The following PPFIA2 variants were observed in gnomAD, a reference collection of about 807,000 sequenced individuals.
PPFIA2 encodes the protein PPFI scaffold protein A2, also known as liprin-alpha-2.
A neutral mutation model predicts 175.5 loss-of-function variants in PPFIA2; 46 were observed. The observed-to-expected ratio is 0.26, with a 90% CI of 0.21 to 0.34. The LOEUF is 0.34. Ranked by LOEUF, PPFIA2 falls within the 10% of genes least tolerant of loss-of-function variation. The probability of loss-of-function intolerance (pLI) is 1.00; values close to 1 mark genes in which losing one functional copy is unlikely to be tolerated. For missense variants in PPFIA2, 1,179 were observed against 1,506.1 expected, an observed-to-expected ratio of 0.78 and a Z score of 3.60; for synonymous variants, 568 against 511.4, an observed-to-expected ratio of 1.11 and a Z score of -1.49.
At chr12:81,649,928 G>A (rs761181646) in intron 4 of PPFIA2, among the ~76,000 whole-genome samples, 8 of 152,098 alleles carry the variant, frequency 5.3e-5, no homozygotes, top group Non-Finnish European at 7.4e-5. Context: ...TTAGGGCCAT[G>A]GGAATGTTCC....
At chr12:81,687,581 C>T (rs2153582977) in intron 3 of PPFIA2, 1 of 152,096 alleles carries the variant, frequency 6.6e-6, no homozygotes, top group South Asian at 2.1e-4. Context: ...AATTTTACTT[C>T]AAGCCTGCAA....
At chr12:81,663,984 A>G (rs2069536925) in intron 4 of PPFIA2, among the ~76,000 whole-genome samples, 1 of 152,228 alleles carries the variant, frequency 6.6e-6, no homozygotes. Flanking sequence ...CTGACTAACC[A>G]TACTTAGAAA....
At chr12:81,364,239 T>G (rs1440715297) in intron 14 of PPFIA2, among the ~76,000 whole-genome samples, 1 of 151,800 alleles carries the variant, frequency 6.6e-6, no homozygotes, top group Non-Finnish European at 1.5e-5. Context: ...GAGGTTAAAT[T>G]GACAAATAGA....
intron 22 of PPFIA2, among the ~76,000 whole-genome samples, chr12:81,325,363 TTCAA>T (rs2054530053): frequency 6.6e-6 from 1 of 152,132 alleles, no homozygotes; most frequent in African/African-American, 2.4e-5. Flanking sequence ...TAAGTTTATA[TTCAA>T]TCAGTCAGAG....
At chr12:81,620,073 C>T (rs1480641644) in intron 4 of PPFIA2, among the ~76,000 whole-genome samples, 3 of 142,750 alleles carry the variant, frequency 2.1e-5, no homozygotes, top group African/African-American at 2.6e-5. Flanking sequence ...GGCAGGAGAA[C>T]GGCGTGAACC....
chr12:81,284,943 AT>A (rs1027926549), intron 24 of PPFIA2, among the ~76,000 whole-genome samples: 4 of 152,150 alleles, frequency 2.6e-5, no homozygotes, highest in African/African-American at 9.7e-5. Flanking sequence ...AATAAAATGT[AT>A]TTTTTAGCCA....
At chr12:81,283,124 G>A (rs1299882959) in intron 25 of PPFIA2, 85 bp from the exon 26 acceptor site, 1 of 1,263,752 alleles carries the variant, frequency 7.9e-7, no homozygotes, top group Non-Finnish European at 1.1e-6. Context: ...TCTAGCAGAA[G>A]CAAAATTGTT....
chr12:81,444,367 A>G (rs60920344), intron 6 of PPFIA2, among the ~76,000 whole-genome samples: 2 of 152,082 alleles, frequency 1.3e-5, no homozygotes, highest in Non-Finnish European at 2.9e-5. Flanking sequence ...CCTGACACAT[A>G]CTAAAAATTC....
At chr12:81,662,407 A>G (rs1305186280) in intron 4 of PPFIA2, among the ~76,000 whole-genome samples, 1 of 152,218 alleles carries the variant, frequency 6.6e-6, no homozygotes, top group Non-Finnish European at 1.5e-5. Flanking sequence ...CTACCATCAG[A>G]GAATACTATA....
rs569535203 is a variant in PPFIA2, at chr12:81,463,024, T to C, written c.304-5158A>G. On this transcript the variant is annotated intron_variant, in intron 4 of 32. Coordinates refer to ENST00000549396, the MANE Select transcript of PPFIA2 (RefSeq NM_003625.5). ...CTCTAGTCTAGCATTTCTCAAATTA[T>C]GATTTTAGAACAGTATTTCCACAAG... is the stretch of plus-strand genomic sequence containing the variant. 2.5e-3 allele frequency among the ~76,000 whole-genome samples: 375 copies of C among 152,148 alleles called. 1 individual carries two copies. Among genetic ancestry groups the C allele is most frequent in the African/African-American group, 8.8e-3 (365 of 41,550 alleles).
chr12:81,736,248 T>C (rs2081558585), intron 3 of PPFIA2, among the ~76,000 whole-genome samples: 1 of 152,038 alleles, frequency 6.6e-6, no homozygotes, highest in Non-Finnish European at 1.5e-5. Flanking sequence ...AAGTCTTCAC[T>C]ATACAAGCCT....
rs1171599587 is a variant in PPFIA2 at position 81,259,218 on chromosome 12, G to A, written c.*476C>T. On this transcript the variant is annotated 3_prime_UTR_variant, in exon 33 of 33. Coordinates refer to ENST00000549396, the MANE Select transcript of PPFIA2 (RefSeq NM_003625.5). The stretch of plus-strand genomic sequence containing the variant: ...CCAAAAACTGTAAAAATGGTGGAAT[G>A]GTAAAATACAAACAGTACTTGGAAT... 1 of 233,964 alleles carries A rather than the reference G, an allele frequency of 4.3e-6. No individual in the cohort carries two copies. Among genetic ancestry groups the A allele is most frequent in the Admixed American group, 5.6e-5 (1 of 17,800 alleles). The allele number at this position is 233,964 out of a possible 1,614,324, so 14.5% of individuals were successfully genotyped here.
At chr12:81,446,063 A>T (rs2051190554) in intron 5 of PPFIA2, among the ~76,000 whole-genome samples, 1 of 152,230 alleles carries the variant, frequency 6.6e-6, no homozygotes, top group South Asian at 2.1e-4. Flanking sequence ...TGCTTGATGC[A>T]TCATGATCTT....
chr12:81,374,423 A>G (rs2035895054), intron 11 of PPFIA2, among the ~76,000 whole-genome samples: 1 of 152,158 alleles, frequency 6.6e-6, no homozygotes, highest in Non-Finnish European at 1.5e-5. Flanking sequence ...TAATGTTTAA[A>G]TAGGCAGGGG....
chr12:81,266,605 A>G (rs1396218097), intron 30 of PPFIA2, among the ~76,000 whole-genome samples: 2 of 152,058 alleles, frequency 1.3e-5, no homozygotes, highest in Non-Finnish European at 2.9e-5. Flanking sequence ...AAATACACGC[A>G]CTCTTTATTA....
In PPFIA2 at chr12:81,367,717, T is replaced by C. The variant is rs574379961; in HGVS notation, c.1483-547A>G. ...AAACCTAATATTACATGTCACAAAGTCAGTGGAAATAAGTTGGCATCATAG... is the reference window on the plus strand; with the variant it reads ...AAACCTAATATTACATGTCACAAAGCCAGTGGAAATAAGTTGGCATCATAG... On this transcript the variant is annotated intron_variant, in intron 13 of 32. Coordinates refer to ENST00000549396, the MANE Select transcript of PPFIA2 (RefSeq NM_003625.5). Among the ~76,000 whole-genome samples the C allele has an allele frequency of 1.1e-4, 17 of 151,704 alleles. No homozygotes were observed. The South Asian group carries it at 2.7e-3, about 24-fold the overall frequency.
intron 3 of PPFIA2, among the ~76,000 whole-genome samples, chr12:81,696,089 C>T (rs531898830): frequency 5.3e-5 from 8 of 152,248 alleles, no homozygotes; most frequent in Admixed American, 3.9e-4. Flanking sequence ...TGACACTGTA[C>T]AGATGTGTAA....
chr12:81,634,092 A>G (rs570275646), intron 4 of PPFIA2, among the ~76,000 whole-genome samples: 1 of 152,244 alleles, frequency 6.6e-6, no homozygotes, highest in African/African-American at 2.4e-5. Flanking sequence ...TGCCTCACCC[A>G]ATATAGATCC....
At chr12:81,543,123 G>A (rs1465283127) in intron 4 of PPFIA2, among the ~76,000 whole-genome samples, 1 of 151,988 alleles carries the variant, frequency 6.6e-6, no homozygotes, top group African/African-American at 2.4e-5. Flanking sequence ...CACAGTTTTG[G>A]CTTTGACAAT....
Sources: allele counts gnomAD v4.1 joint callset (sites outside exome capture counted in the v4.1 genomes callset), GRCh38; gene constraint gnomAD v4.1.1; transcripts MANE v1.5; gene names NCBI Gene and HGNC (gene_info 2026-07-23, HGNC 2026-07-21).